Variants in UCHL3 observed in about 807,000 individuals in gnomAD.
UCHL3 encodes ubiquitin C-terminal hydrolase L3.
Under a neutral mutation model 35.8 loss-of-function variants are expected in UCHL3, and 22 were observed. The ratio of observed to expected loss-of-function variants is 0.61; its 90% CI spans 0.44 to 0.88. UCHL3 has a LOEUF of 0.88. Among genes scored for constraint, UCHL3 ranks in the 40% least tolerant of loss-of-function variants. UCHL3 has a pLI of 0.00. For missense variants in UCHL3, 229 were observed against 276.9 expected (o/e 0.83, Z 1.23); for synonymous variants, 90 against 92.8 (o/e 0.97, Z 0.17).
intron 3 of UCHL3, among the ~76,000 whole-genome samples, chr13:75,564,931 G>C (rs1304631806): frequency 6.6e-6 from 1 of 151,806 alleles, no homozygotes; most frequent in Non-Finnish European, 1.5e-5. Flanking sequence ...CCTGACCTCA[G>C]ATGATCCACC....
chr13:75,564,278 G>A (rs1038669671), intron 3 of UCHL3, among the ~76,000 whole-genome samples: 3 of 151,896 alleles, frequency 2.0e-5, no homozygotes, highest in Non-Finnish European at 2.9e-5. Flanking sequence ...AGCCTCCCGA[G>A]TAGCTGGGAC....
chr13:75,553,156 A>T lies in UCHL3; in HGVS notation c.54+3169A>T, dbSNP rs555945516. Among the ~76,000 whole-genome samples, 3 of 152,294 alleles carry T rather than the reference A, an allele frequency of 2.0e-5. No individual in the cohort carries two copies. In the South Asian group the frequency reaches 6.2e-4, roughly 32 times the overall value. On this transcript the variant is annotated intron_variant, in intron 2 of 8. Transcript: ENST00000377595. ...TATAAATTCTCATAAGAATTCTCTA[A>T]TTAGTAGATACCATTTTAGGAAAAA...
intron 6 of UCHL3, among the ~76,000 whole-genome samples, chr13:75,592,337 T>C (rs2032497993): frequency 6.8e-6 from 1 of 147,138 alleles, no homozygotes; most frequent in African/African-American, 2.5e-5. Context: ...ATACTACATC[T>C]ATGAAGTGTC....
intron 6 of UCHL3, among the ~76,000 whole-genome samples, chr13:75,581,636 G>C (rs1224427422): frequency 2.0e-5 from 3 of 151,140 alleles, no homozygotes; most frequent in Admixed American, 2.0e-4. Context: ...GGGATTACAG[G>C]TGTGAGCCAC....
intron 6 of UCHL3, among the ~76,000 whole-genome samples, chr13:75,593,241 T>G (rs937345497): frequency 3.3e-5 from 5 of 152,190 alleles, no homozygotes; most frequent in Non-Finnish European, 5.9e-5. Flanking sequence ...TTTTTTATTA[T>G]AGAATTAAAG....
At chr13:75,603,149 C>A (rs1470643561) in intron 7 of UCHL3, among the ~76,000 whole-genome samples, 1 of 152,110 alleles carries the variant, frequency 6.6e-6, no homozygotes, top group Non-Finnish European at 1.5e-5. Context: ...GCCACTATAC[C>A]TGGCTAATTT....
intron 7 of UCHL3, among the ~76,000 whole-genome samples, chr13:75,604,139 A>G (rs2032861992): frequency 6.6e-6 from 1 of 152,156 alleles, no homozygotes; most frequent in Admixed American, 6.5e-5. Context: ...ATCTGAGATT[A>G]TGGATTTGGA....
intron 6 of UCHL3, among the ~76,000 whole-genome samples, chr13:75,571,938 G>A (rs1276557740): frequency 1.3e-5 from 2 of 149,364 alleles, no homozygotes; most frequent in Non-Finnish European, 2.9e-5. Context: ...GTCAGTTTCA[G>A]GCTCTTTAAC....
chr13:75,592,437 T>C (rs758352791), intron 6 of UCHL3, among the ~76,000 whole-genome samples: 2,641 of 58,456 alleles, frequency 0.045, 55 homozygotes, highest in Non-Finnish European at 0.056. Context: ...TATATATATA[T>C]ATATATATAT....
chr13:75,549,992 G>A lies in UCHL3; in HGVS notation c.54+5G>A, dbSNP rs1444614686. The A allele has an allele frequency of 2.5e-6, 4 of 1,614,268 alleles. 1 individual carries two copies. The South Asian group carries it at 4.4e-5, about 18-fold the overall frequency. On this transcript the variant is annotated splice_donor_5th_base_variant and intron_variant, in intron 2 of 8. Coordinates refer to ENST00000377595, the MANE Select transcript of UCHL3 (RefSeq NM_006002.5). ...CGTTTTCAGGTCACCAACCAGGTGA[G>A]TGAGGTGTCTGTCGCTCGGGACCTC...
At chr13:75,590,802 C>T (rs8192756) in intron 6 of UCHL3, among the ~76,000 whole-genome samples, 117,301 of 152,088 alleles carry the variant, frequency 0.77, 46,000 homozygotes, top group Middle Eastern at 0.88. Context: ...ATTTCTCTTT[C>T]ATAGGCTAAT....
Position 75,579,706 on chromosome 13 carries a change from T to G in UCHL3, c.474+10199T>G, listed in dbSNP as rs373053231. Among the ~76,000 whole-genome samples, 8 of 152,298 alleles carry G rather than the reference T, an allele frequency of 5.3e-5. No individual in the cohort carries two copies. The East Asian group carries it at 9.6e-4, about 18-fold the overall frequency. ...GTTCACACTTCCAGATCTGACTAGA[T>G]GAAACTCGTCTAAGAATGCTTTCAG... On this transcript the variant is annotated intron_variant, in intron 6 of 8. Transcript: ENST00000377595.
intron 6 of UCHL3, among the ~76,000 whole-genome samples, chr13:75,586,327 A>G (rs1241191708): frequency 1.3e-5 from 2 of 152,042 alleles, no homozygotes; most frequent in Non-Finnish European, 2.9e-5. Flanking sequence ...GCATACACGT[A>G]ACAGAAAGTA....
Position 75,550,006 on chromosome 13 carries a change from G to A in UCHL3, c.54+19G>A. 3.7e-6 allele frequency: 6 copies of A among 1,614,222 alleles called. No individual in the cohort carries two copies. Among genetic ancestry groups the A allele is most frequent in the Non-Finnish European group, 5.1e-6 (6 of 1,180,040 alleles). ...CAACCAGGTGAGTGAGGTGTCTGTC[G>A]CTCGGGACCTCGGAGTCTTTTCTGT... On this transcript the variant is annotated intron_variant, in intron 2 of 8. Coordinates refer to ENST00000377595, the MANE Select transcript of UCHL3 (RefSeq NM_006002.5).
intron 6 of UCHL3, among the ~76,000 whole-genome samples, chr13:75,577,156 A>C (rs1380789798): frequency 6.6e-6 from 1 of 152,164 alleles, no homozygotes; most frequent in Admixed American, 6.5e-5. Flanking sequence ...AGGCTGAGAT[A>C]GGAGGATGGC....
chr13:75,599,870 A>G (rs1782803278), intron 7 of UCHL3, among the ~76,000 whole-genome samples: 1 of 152,250 alleles, frequency 6.6e-6, no homozygotes, highest in African/African-American at 2.4e-5. Context: ...AGGAAGGCAT[A>G]TTGAAAGCCA....
At chr13:75,573,662 C>A (rs1029847756) in intron 6 of UCHL3, among the ~76,000 whole-genome samples, 5 of 152,106 alleles carry the variant, frequency 3.3e-5, no homozygotes, top group African/African-American at 1.2e-4. Context: ...GATGTCTCTT[C>A]CTGTTCTTAT....
At chr13:75,551,430 C>CAAA (rs56723936) in intron 2 of UCHL3, among the ~76,000 whole-genome samples, 2 of 86,150 alleles carry the variant, frequency 2.3e-5, no homozygotes, top group Non-Finnish European at 2.4e-5. Flanking sequence ...GACTCTGTCT[C>CAAA]AAAAAAAAAA....
rs763459962 is a variant in UCHL3 at position 75,567,357 on chromosome 13, G to A, written c.426+45G>A. ...TTTGATCTCATGTGGGCAAAAGTTT[G>A]TGGGATTGTAGATGTGTTTGGGGGT... On this transcript the variant is annotated intron_variant, in intron 5 of 8. Transcript: ENST00000377595. 5 of 1,564,172 alleles carry A rather than the reference G, an allele frequency of 3.2e-6. No homozygotes were observed. In the South Asian group the frequency reaches 5.6e-5, roughly 18 times the overall value.
Sources: allele counts gnomAD v4.1 joint callset (sites outside exome capture counted in the v4.1 genomes callset), GRCh38; gene constraint gnomAD v4.1.1; transcripts MANE v1.5; gene names NCBI Gene and HGNC (gene_info 2026-07-23, HGNC 2026-07-21).